The following ABCC9 variants were observed in gnomAD, a reference collection of about 807,000 sequenced individuals.
The protein encoded by ABCC9 is ATP binding cassette subfamily C member 9.
In ABCC9, 95 loss-of-function variants were observed where a neutral mutation model predicts 188.3. That is an observed-to-expected ratio of 0.50 (90% CI 0.43 to 0.60). The LOEUF is 0.60. ABCC9 is among the 20% of genes least tolerant of loss of function. The pLI is 0.00. For missense variants in ABCC9, 1,102 were observed against 1,876.3 expected (o/e 0.59, Z 7.62); for synonymous variants, 659 against 652.7 (o/e 1.01, Z -0.15).
At chr12:21,907,055 A>G (rs1948079742) in intron 11 of ABCC9, among the ~76,000 whole-genome samples, 1 of 152,114 alleles carries the variant, frequency 6.6e-6, no homozygotes, top group East Asian at 1.9e-4. Context: ...AGATAGGAGA[A>G]AGCAAAAGTA....
In ABCC9 at chr12:21,889,128, G is replaced by A. The variant is rs181001157; in HGVS notation, c.1803-1194C>T. The stretch of plus-strand genomic sequence containing the variant: ...AAATTTAATTTAGTCTGTTGCCCAT[G>A]ATCTTTAAGTGTTTTGGCTTTGCAT... On this transcript the variant is annotated intron_variant, in intron 14 of 39. Transcript: ENST00000261200. Among the ~76,000 whole-genome samples the A allele has an allele frequency of 1.3e-3, 197 of 152,300 alleles. 1 individual carries two copies. In the South Asian group the frequency reaches 0.022, roughly 17 times the overall value.
chr12:21,811,203 A>G (rs570476630), intron 36 of ABCC9, among the ~76,000 whole-genome samples: 5 of 152,132 alleles, frequency 3.3e-5, no homozygotes, highest in Admixed American at 6.6e-5. Flanking sequence ...TCCTGGCACC[A>G]TGAGAAGATG....
chr12:21,869,391 C>G (rs185112820), intron 18 of ABCC9, among the ~76,000 whole-genome samples: 1 of 152,244 alleles, frequency 6.6e-6, no homozygotes, highest in Middle Eastern at 3.4e-3. Flanking sequence ...AATGGTTTCC[C>G]GCACTTTCCC....
At chr12:21,895,417 G>T in intron 12 of ABCC9, 102 bp from the exon 13 acceptor site, 1 of 1,017,956 alleles carries the variant, frequency 9.8e-7, no homozygotes, top group Non-Finnish European at 1.5e-6. Context: ...AAGACAGGAA[G>T]GACAAAGAGT....
Position 21,807,290 on chromosome 12 carries a change from T to C in ABCC9, c.4449+56A>G, listed in dbSNP as rs545650914. 68 of 1,611,856 alleles carry C rather than the reference T, an allele frequency of 4.2e-5. No individual in the cohort carries two copies. The African/African-American group carries it at 8.5e-4, about 20-fold the overall frequency. Reference sequence around the variant, plus strand: ...CCAATCAGGAAATAATAAATTGTAATTTTCATGCACATTTCTCCAATTCGT... The same window carrying C: ...CCAATCAGGAAATAATAAATTGTAACTTTCATGCACATTTCTCCAATTCGT... On this transcript the variant is annotated intron_variant, in intron 38 of 39. Transcript: ENST00000261200.
chr12:21,848,315 T>A, intron 24 of ABCC9, 69 bp from the exon 25 acceptor site: 1 of 1,348,516 alleles, frequency 7.4e-7, no homozygotes, highest in Non-Finnish European at 1.1e-6. Flanking sequence ...AATGAATGAC[T>A]CACACGTGTA....
At chr12:21,812,667 G>A (rs1010294433) in intron 35 of ABCC9, among the ~76,000 whole-genome samples, 12 of 152,112 alleles carry the variant, frequency 7.9e-5, no homozygotes, top group African/African-American at 2.9e-4. Context: ...CATGGACACA[G>A]GTTGGGGAAC....
chr12:21,933,811 A>G lies in ABCC9; in HGVS notation c.255T>C (p.Cys85=). 4 of 1,613,572 alleles carry G rather than the reference A, an allele frequency of 2.5e-6. No individual in the cohort carries two copies. The highest frequency in any genetic ancestry group is 3.4e-6 in the Non-Finnish European group (4 of 1,179,624). Residue 85 remains cysteine, a synonymous_variant, in exon 4 of 40, where the codon TGT becomes TGC. Coordinates refer to ENST00000261200, the MANE Select transcript of ABCC9 (RefSeq NM_020297.4). ...CTGAAACAATGCCTTCTGCTATTTCACAGACATGCACAAACAGGAGAGCGA... is the reference window on the plus strand; with the variant it reads ...CTGAAACAATGCCTTCTGCTATTTCGCAGACATGCACAAACAGGAGAGCGA... ...LTFALLFVHV[C]EIAEGIVSDS... is the part of the protein sequence containing the mutation.
rs1199966237 is a variant in ABCC9, at chr12:21,800,625, A to C, written c.*419T>G. ...TTCGTTAGAAAACATGTCCTTTTTTATTCCTTCCAATAACCTCTGGAGACT... is the reference window on the plus strand; with the variant it reads ...TTCGTTAGAAAACATGTCCTTTTTTCTTCCTTCCAATAACCTCTGGAGACT... On this transcript the variant is annotated 3_prime_UTR_variant, in exon 40 of 40. Coordinates refer to ENST00000261200, the MANE Select transcript of ABCC9 (RefSeq NM_020297.4). The C allele has an allele frequency of 6.3e-6, 1 of 158,152 alleles. No individual in the cohort carries two copies. The highest frequency in any genetic ancestry group is 2.4e-5 in the African/African-American group (1 of 41,544). 9.8% of individuals were successfully genotyped at this position (158,152 alleles called of 1,614,324 possible).
At position 21,844,493 on chromosome 12, in the gene ABCC9, A is replaced by T; in HGVS notation, c.3305T>A (p.Ile1102Asn). 3 of 1,613,418 alleles carry T rather than the reference A, an allele frequency of 1.9e-6. No individual in the cohort carries two copies. Among genetic ancestry groups the T allele is most frequent in the Non-Finnish European group, 2.5e-6 (3 of 1,179,376 alleles). ...AACCCAGTTACTCACCTGATCAATGATATTAGTATCAGCTGAAAAGCGATT... is the reference window on the plus strand; with the variant it reads ...AACCCAGTTACTCACCTGATCAATGTTATTAGTATCAGCTGAAAAGCGATT... Reference protein sequence around the residue: ...ILNRFSADTNIIDQHIPPTLE... With the variant: ...ILNRFSADTNNIDQHIPPTLE... The change falls in exon 28 of 40, where the codon ATC becomes AAC. Residue 1102 changes from isoleucine to asparagine, a missense_variant. Coordinates refer to ENST00000261200, the MANE Select transcript of ABCC9 (RefSeq NM_020297.4).
At chr12:21,910,740 A>G in intron 9 of ABCC9, 86 bp downstream of exon 9, 1 of 1,300,072 alleles carries the variant, frequency 7.7e-7, no homozygotes, top group Non-Finnish European at 1.1e-6. Context: ...GGAATGAAAA[A>G]ACAAAACTGA....
chr12:21,879,168 CAT>C (rs1405992270), intron 16 of ABCC9, among the ~76,000 whole-genome samples: 1 of 152,164 alleles, frequency 6.6e-6, no homozygotes, highest in East Asian at 1.9e-4. Context: ...ATTGAGAGCA[CAT>C]AGACACTTAG....
intron 31 of ABCC9, among the ~76,000 whole-genome samples, chr12:21,819,376 C>T (rs927413278): frequency 2.0e-5 from 3 of 152,098 alleles, no homozygotes; most frequent in Admixed American, 6.6e-5. Flanking sequence ...GAATGTTGAA[C>T]ATGCTGAAGT....
At chr12:21,819,056 ATTCT>A (rs1004754404) in intron 31 of ABCC9, among the ~76,000 whole-genome samples, 13 of 152,146 alleles carry the variant, frequency 8.5e-5, no homozygotes, top group Admixed American at 7.2e-4. Flanking sequence ...AATTAAAACA[ATTCT>A]TTAATAACAG....
At chr12:21,806,678 C>A (rs567154618) in intron 38 of ABCC9, among the ~76,000 whole-genome samples, 1 of 152,102 alleles carries the variant, frequency 6.6e-6, no homozygotes, top group African/African-American at 2.4e-5. Flanking sequence ...GTTATAATAA[C>A]CCTCAATGTG....
At chr12:21,909,808 CTAGATGTTATAGACATATTAATCTATTTA>C (rs2137865280) in intron 10 of ABCC9, among the ~76,000 whole-genome samples, 1 of 151,986 alleles carries the variant, frequency 6.6e-6, no homozygotes, top group Non-Finnish European at 1.5e-5. Context: ...GGGCACTATG[CTAGATGTTATAGACATATTAATCTATTTA>C]ACCTTGACAA....
intron 18 of ABCC9, chr12:21,869,671 C>T (rs1945966328): frequency 6.6e-6 from 1 of 152,242 alleles, no homozygotes; most frequent in Non-Finnish European, 1.5e-5. Flanking sequence ...AGGTATAGTA[C>T]CTTTACTATA....
intron 18 of ABCC9, among the ~76,000 whole-genome samples, chr12:21,868,358 G>A (rs979945215): frequency 6.6e-5 from 10 of 152,188 alleles, no homozygotes; most frequent in African/African-American, 2.4e-4. Context: ...TAAAATTTAT[G>A]GCCGGGCACG....
chr12:21,890,983 T>TA lies in ABCC9; in HGVS notation c.1802+3048dup, dbSNP rs1358594397. Among the ~76,000 whole-genome samples the TA allele has an allele frequency of 5.7e-3, 861 of 149,784 alleles. 2 individuals are homozygous for TA. Among genetic ancestry groups the TA allele is most frequent in the Middle Eastern group, 0.01 (3 of 290 alleles). ...CTTACAGTATAATAATAATAAAATT[T>TA]AAAAAAAAAAATCTTTACTGACCAG... On this transcript the variant is annotated intron_variant, in intron 14 of 39. Coordinates refer to ENST00000261200, the MANE Select transcript of ABCC9 (RefSeq NM_020297.4).
Sources: gnomAD v4.1 joint callset for allele counts (sites outside exome capture counted in the v4.1 genomes callset) on GRCh38, gnomAD v4.1.1 for gene constraint, MANE v1.5 for transcripts, NCBI Gene and HGNC (gene_info 2026-07-23, HGNC 2026-07-21) for gene names.